The following UNC13C variants were observed in gnomAD, a reference collection of about 807,000 sequenced individuals.
UNC13C encodes the protein unc-13 homolog C, also known as protein unc-13 homolog C.
Under a neutral mutation model 245.4 loss-of-function variants are expected in UNC13C, and 174 were observed. The ratio of observed to expected loss-of-function variants is 0.71; its 90% CI spans 0.63 to 0.80. The LOEUF (loss-of-function observed/expected upper bound fraction) is 0.80. Among genes scored for constraint, UNC13C ranks in the 30% least tolerant of loss-of-function variants. The probability of loss-of-function intolerance (pLI) is 0.00; values close to 1 mark genes in which losing one functional copy is unlikely to be tolerated. For synonymous variants in UNC13C, 992 were observed against 895.1 expected (o/e 1.11, Z -1.93); for missense variants, 2,829 against 2,602.9 (o/e 1.09, Z -1.89).
chr15:54,150,477 G>A (rs186573966), intron 4 of UNC13C, among the ~76,000 whole-genome samples: 63 of 152,298 alleles, frequency 4.1e-4, no homozygotes, highest in African/African-American at 1.5e-3. Flanking sequence ...ATGCACAAAG[G>A]CTTAATCTAG....
chr15:54,127,251 C>A (rs2031104848), intron 2 of UNC13C, among the ~76,000 whole-genome samples: 1 of 152,162 alleles, frequency 6.6e-6, no homozygotes, highest in Non-Finnish European at 1.5e-5. Flanking sequence ...AAGACACATG[C>A]ACACATATGT....
chr15:54,583,112 C>T (rs1898282028), intron 30 of UNC13C, among the ~76,000 whole-genome samples: 1 of 152,100 alleles, frequency 6.6e-6, no homozygotes, highest in African/African-American at 2.4e-5. Flanking sequence ...GGTTTAGGAA[C>T]CACAATTTGA....
chr15:54,266,575 T>C (rs1407963482), intron 10 of UNC13C, among the ~76,000 whole-genome samples: 1 of 152,018 alleles, frequency 6.6e-6, no homozygotes, highest in African/African-American at 2.4e-5. Context: ...CATGCGATCA[T>C]GTAGACAAGA....
chr15:54,296,516 C>A (rs993824263), intron 11 of UNC13C, among the ~76,000 whole-genome samples: 1 of 152,068 alleles, frequency 6.6e-6, no homozygotes. Context: ...TCGCGCCGGG[C>A]CCAGCAGAGA....
At chr15:54,082,368 GTTGCCTAC>G (rs71132779) in intron 2 of UNC13C, among the ~76,000 whole-genome samples, 70,540 of 151,584 alleles carry the variant, frequency 0.47, 18,373 homozygotes, top group Non-Finnish European at 0.6. Context: ...TGTTTTCCAA[GTTGCCTAC>G]TTTTTCTTCT....
At chr15:54,215,227 T>A (rs796688985) in intron 4 of UNC13C, among the ~76,000 whole-genome samples, 1 of 151,914 alleles carries the variant, frequency 6.6e-6, no homozygotes, top group Admixed American at 6.6e-5. Context: ...AAGCCTACCA[T>A]TGAGAAAACC....
chr15:54,542,304 C>T (rs1225031895), intron 26 of UNC13C, among the ~76,000 whole-genome samples: 2 of 152,028 alleles, frequency 1.3e-5, no homozygotes, highest in Non-Finnish European at 2.9e-5. Flanking sequence ...TGTAGTCATG[C>T]GGTTTTGAGT....
intron 2 of UNC13C, chr15:54,050,578 T>C: frequency 1.4e-5 from 6 of 431,144 alleles, no homozygotes; most frequent in Non-Finnish European, 2.8e-5. Flanking sequence ...GCTGCTACAC[T>C]TTTTTCCACT....
At chr15:54,174,625 A>C (rs2033542271) in intron 4 of UNC13C, among the ~76,000 whole-genome samples, 1 of 152,210 alleles carries the variant, frequency 6.6e-6, no homozygotes, top group South Asian at 2.1e-4. Flanking sequence ...GAACAGTATA[A>C]TTAAATATGA....
chr15:54,394,121 G>T (rs548243842), intron 18 of UNC13C, among the ~76,000 whole-genome samples: 1 of 151,842 alleles, frequency 6.6e-6, no homozygotes, highest in African/African-American at 2.4e-5. Context: ...GGTCAAGACC[G>T]TTAGGGTCAT....
chr15:54,231,549 C>G (rs1030538950), intron 4 of UNC13C, among the ~76,000 whole-genome samples: 1 of 151,862 alleles, frequency 6.6e-6, no homozygotes, highest in Non-Finnish European at 1.5e-5. Context: ...ACCTATACCT[C>G]ATAAGATTTA....
chr15:54,035,173 C>A (rs556667542), intron 2 of UNC13C, among the ~76,000 whole-genome samples: 1 of 152,042 alleles, frequency 6.6e-6, no homozygotes, highest in South Asian at 2.1e-4. Context: ...TCTAAAGGGG[C>A]CTTGTTAAAA....
chr15:54,594,248 C>A (rs187390883), intron 30 of UNC13C, among the ~76,000 whole-genome samples: 2 of 152,218 alleles, frequency 1.3e-5, no homozygotes, highest in East Asian at 3.9e-4. Context: ...GCAGTGGACT[C>A]CATGGGGGCT....
chr15:54,503,380 A>C (rs1894316424), intron 22 of UNC13C, among the ~76,000 whole-genome samples: 1 of 150,220 alleles, frequency 6.7e-6, no homozygotes, highest in Admixed American at 6.6e-5. Context: ...AATTAAACAT[A>C]AATATAAAAA....
chr15:54,002,178 CGG>C (rs1894923985), intron 1 of UNC13C, among the ~76,000 whole-genome samples: 1 of 151,914 alleles, frequency 6.6e-6, no homozygotes, highest in African/African-American at 2.4e-5. Flanking sequence ...CCCAGCTACT[CGG>C]GAGGCTGAGG....
chr15:54,560,005 G>A (rs972944768), intron 29 of UNC13C, among the ~76,000 whole-genome samples: 22 of 152,072 alleles, frequency 1.4e-4, no homozygotes, highest in Admixed American at 8.5e-4. Flanking sequence ...ATGTGTAAAA[G>A]AGGACTCCAG....
At chr15:54,006,823 A>G (rs1222189262) in intron 1 of UNC13C, among the ~76,000 whole-genome samples, 1 of 151,984 alleles carries the variant, frequency 6.6e-6, no homozygotes, top group Non-Finnish European at 1.5e-5. Context: ...TTCCATCTCC[A>G]GCTACTCTGG....
chr15:54,450,371 G>A (rs1891100725), intron 19 of UNC13C, among the ~76,000 whole-genome samples: 1 of 152,238 alleles, frequency 6.6e-6, no homozygotes, highest in South Asian at 2.1e-4. Context: ...CCCCAGAGGT[G>A]GAGTCTACAG....
intron 4 of UNC13C, among the ~76,000 whole-genome samples, chr15:54,179,774 A>G (rs2033736800): frequency 6.6e-6 from 1 of 152,108 alleles, no homozygotes; most frequent in Admixed American, 6.6e-5. Context: ...AAATGGCATC[A>G]AGTTACGAAT....
Sources: allele counts gnomAD v4.1 joint callset (sites outside exome capture counted in the v4.1 genomes callset), GRCh38; gene constraint gnomAD v4.1.1; transcripts MANE v1.5; gene names NCBI Gene and HGNC (gene_info 2026-07-23, HGNC 2026-07-21).